Variants in PRTG observed in about 807,000 individuals in gnomAD.
PRTG encodes the protein protogenin.
PRTG carries 67 observed loss-of-function variants against 122.5 expected under a neutral mutation model. The ratio of observed to expected loss-of-function variants is 0.55; its 90% CI spans 0.45 to 0.67. The LOEUF (loss-of-function observed/expected upper bound fraction) is 0.67. PRTG is among the 30% of genes least tolerant of loss of function. PRTG has a pLI of 0.00. For missense variants in PRTG, 1,435 were observed against 1,415.4 expected (o/e 1.01, Z -0.22); for synonymous variants, 554 against 501.1 (o/e 1.11, Z -1.41).
chr15:55,629,051 C>T, intron 15 of PRTG, 47 bp from the exon 16 acceptor site: 1 of 1,332,374 alleles, frequency 7.5e-7, no homozygotes, highest in South Asian at 1.4e-5. Flanking sequence ...ATCTTTTATT[C>T]TTTCACTCAT....
intron 11 of PRTG, among the ~76,000 whole-genome samples, chr15:55,648,132 T>C (rs548764788): frequency 3.3e-4 from 51 of 152,310 alleles, no homozygotes; most frequent in Non-Finnish European, 6.5e-4. Flanking sequence ...AATAAATTCC[T>C]TTTGTAGTGG....
intron 2 of PRTG, among the ~76,000 whole-genome samples, chr15:55,718,933 C>T (rs188216781): frequency 2.4e-4 from 36 of 152,020 alleles, no homozygotes; most frequent in Admixed American, 1.6e-3. Flanking sequence ...TTAGTAGAGA[C>T]GGGGTTTCAC....
chr15:55,732,990 C>T (rs6493813), intron 2 of PRTG, among the ~76,000 whole-genome samples: 152,247 of 152,248 alleles, frequency 1, 76,123 homozygotes, highest in Non-Finnish European at 1. Context: ...GGCGGGCAGA[C>T]CACGAGGTCA....
chr15:55,656,976 A>T (rs1871397222), intron 11 of PRTG, among the ~76,000 whole-genome samples: 1 of 152,246 alleles, frequency 6.6e-6, no homozygotes, highest in Non-Finnish European at 1.5e-5. Flanking sequence ...ACTATCTGGG[A>T]CTTTGAATAT....
chr15:55,642,363 T>C (rs577303870), intron 11 of PRTG, among the ~76,000 whole-genome samples: 2 of 152,006 alleles, frequency 1.3e-5, no homozygotes, highest in African/African-American at 4.8e-5. Flanking sequence ...ATGCCTGCAA[T>C]CCCAGCACTT....
chr15:55,655,249 T>A (rs1170969862), intron 11 of PRTG: 1 of 152,218 alleles, frequency 6.6e-6, no homozygotes, highest in African/African-American at 2.4e-5. Context: ...GTTAACTGGC[T>A]ATAAACAGTC....
rs1040302809 is a variant in PRTG, at chr15:55,613,487, C to T, written c.*6525G>A. 1.3e-5 allele frequency: 2 copies of T among 152,046 alleles called. No homozygotes were observed. Among genetic ancestry groups the T allele is most frequent in the African/African-American group, 4.8e-5 (2 of 41,422 alleles). The allele number at this position is 152,046 out of a possible 1,614,324, so 9.4% of individuals were successfully genotyped here. On this transcript the variant is annotated 3_prime_UTR_variant, in exon 20 of 20. Transcript: ENST00000389286. ...TGCCTACCTTATTTGTAATGTAACT[C>T]TAAGTACAAACAGCCTTCAGACACA...
chr15:55,638,666 G>A lies in PRTG; in HGVS notation c.2335C>T (p.His779Tyr). 2 of 1,612,540 alleles carry A rather than the reference G, an allele frequency of 1.2e-6. No homozygotes were observed. The highest frequency in any genetic ancestry group is 1.1e-5 in the South Asian group (1 of 90,658). ...GGTTCTAGACCTTGAACCAACATGT[G>A]AGTTTCTGATCTATAATAACGAGTG... Reference protein sequence around the residue: ...LVLYLQTSETHMLVQGLEPNT... With the variant: ...LVLYLQTSETYMLVQGLEPNT... The change falls in exon 14 of 20, where the codon CAC becomes TAC. Residue 779 changes from histidine to tyrosine, a missense_variant. Coordinates refer to ENST00000389286, the MANE Select transcript of PRTG (RefSeq NM_173814.6).
intron 11 of PRTG, among the ~76,000 whole-genome samples, chr15:55,653,226 T>C (rs767151333): frequency 1.4e-4 from 22 of 152,144 alleles, no homozygotes; most frequent in Non-Finnish European, 2.9e-4. Context: ...CCCTGTGTAT[T>C]CTATATACAG....
rs978005666 is a variant in PRTG at position 55,615,291 on chromosome 15, G to A, written c.*4721C>T. 1.3e-5 allele frequency: 2 copies of A among 152,030 alleles called. No individual in the cohort carries two copies. Among genetic ancestry groups the A allele is most frequent in the African/African-American group, 4.8e-5 (2 of 41,406 alleles). The allele number at this position is 152,030 out of a possible 1,614,324, so 9.4% of individuals were successfully genotyped here. On this transcript the variant is annotated 3_prime_UTR_variant, in exon 20 of 20. Transcript: ENST00000389286. The stretch of plus-strand genomic sequence containing the variant: ...TCTGCAGAACTTAAGAAAAATTTGT[G>A]TTATTTTAAGCCACCACCTTCATGG...
chr15:55,659,380 CT>C (rs2059397134), intron 11 of PRTG, among the ~76,000 whole-genome samples: 1 of 152,164 alleles, frequency 6.6e-6, no homozygotes, highest in Non-Finnish European at 1.5e-5. Context: ...ACCATCCCTT[CT>C]TTCACTATCC....
chr15:55,724,822 A>T (rs1254178656), intron 2 of PRTG, among the ~76,000 whole-genome samples: 1 of 152,230 alleles, frequency 6.6e-6, no homozygotes, highest in African/African-American at 2.4e-5. Context: ...TATCTAGCAA[A>T]ACTGTCCTTC....
rs747060523 is a variant in PRTG, at chr15:55,672,594, C to T, written c.1892G>A (p.Cys631Tyr). 1 of 1,613,990 alleles carries T rather than the reference C, an allele frequency of 6.2e-7. No homozygotes were observed. Among genetic ancestry groups the T allele is most frequent in the Non-Finnish European group, 8.5e-7 (1 of 1,180,004 alleles). Residue 631 changes from cysteine to tyrosine, a missense_variant, in exon 11 of 20, where the codon TGT (cysteine) becomes TAT (tyrosine). By Grantham distance (194) the Cys-to-Tyr change is radical. Transcript: ENST00000389286. ...CTGCCACCTCACAGAAATGGTGGTA[C>T]AGTTCAGAGGCTCCAAATGCAACTC... Reference protein sequence around the residue: ...SPELHLEPLNCTTISVRWQQD... With the variant: ...SPELHLEPLNYTTISVRWQQD...
chr15:55,627,425 G>A (rs2059201414), intron 16 of PRTG, among the ~76,000 whole-genome samples: 2 of 148,590 alleles, frequency 1.3e-5, no homozygotes. Context: ...CCGGGTTCCT[G>A]CCATTCTCCT....
At chr15:55,673,725 G>T in intron 9 of PRTG, 49 bp from the exon 10 acceptor site, 1 of 1,419,192 alleles carries the variant, frequency 7.0e-7, no homozygotes, top group South Asian at 1.2e-5. Context: ...GAATCGAATT[G>T]CCACTTAGCA....
At position 55,619,797 on chromosome 15, in the gene PRTG, C is replaced by A; in HGVS notation, c.*215G>T. 1 of 677,924 alleles carries A rather than the reference C, an allele frequency of 1.5e-6. No individual in the cohort carries two copies. Among genetic ancestry groups the A allele is most frequent in the Non-Finnish European group, 2.3e-6 (1 of 435,292 alleles). The allele number at this position is 677,924 out of a possible 1,614,324, so 42.0% of individuals were successfully genotyped here. A position where few individuals can be genotyped will look rare whatever the true frequency, so the allele number is the denominator to read the frequency against. ...AAGATATTAAGATTTTCACAAAAGG[C>A]TTTGGTTCCCTGTTCATTGTCCTTC... On this transcript the variant is annotated 3_prime_UTR_variant, in exon 20 of 20. Coordinates refer to ENST00000389286, the MANE Select transcript of PRTG (RefSeq NM_173814.6).
At chr15:55,710,811 T>C (rs1375566611) in intron 2 of PRTG, among the ~76,000 whole-genome samples, 1 of 152,134 alleles carries the variant, frequency 6.6e-6, no homozygotes, top group Non-Finnish European at 1.5e-5. Context: ...AACCAAGACA[T>C]GGTGAGAGAT....
intron 11 of PRTG, among the ~76,000 whole-genome samples, chr15:55,657,623 A>G (rs2059387544): frequency 6.6e-6 from 1 of 152,234 alleles, no homozygotes; most frequent in Admixed American, 6.5e-5. Flanking sequence ...TTTAATTAGT[A>G]TACTACAAAC....
At chr15:55,719,541 A>G (rs760240983) in intron 2 of PRTG, among the ~76,000 whole-genome samples, 1 of 152,260 alleles carries the variant, frequency 6.6e-6, no homozygotes, top group Non-Finnish European at 1.5e-5. Context: ...GTTATTGCAG[A>G]TAAAATACAA....
Sources: gnomAD v4.1 joint callset for allele counts (sites outside exome capture counted in the v4.1 genomes callset) on GRCh38, gnomAD v4.1.1 for gene constraint, MANE v1.5 for transcripts, NCBI Gene and HGNC (gene_info 2026-07-23, HGNC 2026-07-21) for gene names.